PCDHA7: variants seen among roughly 807,000 people sequenced by gnomAD.
PCDHA7 encodes protocadherin alpha 7.
In PCDHA7, 37 loss-of-function variants were observed where a neutral mutation model predicts 57.2. That is an observed-to-expected ratio of 0.65 (90% CI 0.50 to 0.85). The LOEUF (loss-of-function observed/expected upper bound fraction) is 0.85, where lower values mean the gene tolerates loss of function less well. Ranked by LOEUF, PCDHA7 falls within the 40% of genes least tolerant of loss-of-function variation. PCDHA7 has a pLI of 0.00. For synonymous variants in PCDHA7, 553 were observed against 558.8 expected, an observed-to-expected ratio of 0.99 and a Z score of 0.15; for missense variants, 1,188 against 1,241.8, an observed-to-expected ratio of 0.96 and a Z score of 0.65.
At chr5:140,999,426 A>G (rs1456581917) in intron 3 of PCDHA7, among the ~76,000 whole-genome samples, 2 of 152,204 alleles carry the variant, frequency 1.3e-5, no homozygotes, top group Middle Eastern at 3.2e-3. Context: ...TAAGAGGCCA[A>G]GTACCTTGCC....
chr5:140,945,387 T>C (rs1249675973), intron 1 of PCDHA7, among the ~76,000 whole-genome samples: 1 of 152,102 alleles, frequency 6.6e-6, no homozygotes, highest in Non-Finnish European at 1.5e-5. Flanking sequence ...CAAAGCAATA[T>C]ACAAATTCAA....
intron 1 of PCDHA7, chr5:140,857,158 A>G: frequency 6.3e-7 from 1 of 1,598,190 alleles, no homozygotes; most frequent in East Asian, 2.2e-5. Context: ...TCATTGCCCT[A>G]ATCAGCGTTT....
chr5:140,879,955 A>G (rs1554171094), intron 1 of PCDHA7, among the ~76,000 whole-genome samples: 1 of 152,206 alleles, frequency 6.6e-6, no homozygotes, highest in Non-Finnish European at 1.5e-5. Context: ...GCCCATCTGG[A>G]TAATCCAGGA....
At chr5:141,001,509 G>A (rs1025738776) in intron 3 of PCDHA7, among the ~76,000 whole-genome samples, 3 of 152,212 alleles carry the variant, frequency 2.0e-5, no homozygotes, top group Non-Finnish European at 4.4e-5. Context: ...GGTGGGCTTA[G>A]CTTTCTCCCT....
At chr5:140,836,762 C>G (rs2150269461) in intron 1 of PCDHA7, 24 bp downstream of exon 1, 3 of 1,567,538 alleles carry the variant, frequency 1.9e-6, no homozygotes, top group Non-Finnish European at 2.6e-6. Context: ...AATCTTGTTT[C>G]CAACAATTTT....
intron 1 of PCDHA7, among the ~76,000 whole-genome samples, chr5:140,977,021 A>G (rs1249097233): frequency 1.3e-5 from 2 of 152,190 alleles, no homozygotes; most frequent in East Asian, 3.8e-4. Context: ...ATTCTGTCAA[A>G]TGAATCTAAG....
At chr5:140,875,247 A>T in intron 1 of PCDHA7, 1 of 962,254 alleles carries the variant, frequency 1.0e-6, no homozygotes, top group Non-Finnish European at 1.5e-6. Flanking sequence ...TTACATAATC[A>T]GTCACATGAT....
intron 1 of PCDHA7, chr5:140,842,474 G>C: frequency 6.2e-7 from 1 of 1,613,946 alleles, no homozygotes; most frequent in Middle Eastern, 1.6e-4. Flanking sequence ...CAACGGGCAG[G>C]TGACCTGCTC....
intron 3 of PCDHA7, among the ~76,000 whole-genome samples, chr5:141,000,955 T>G (rs1237087024): frequency 6.6e-6 from 1 of 152,210 alleles, no homozygotes; most frequent in Non-Finnish European, 1.5e-5. Flanking sequence ...CTTGCTGTAA[T>G]TTAAGCCTTC....
intron 1 of PCDHA7, chr5:140,877,758 G>T (rs782480713): frequency 6.2e-7 from 1 of 1,614,190 alleles, no homozygotes; most frequent in East Asian, 2.2e-5. Flanking sequence ...GCTCTGCAGA[G>T]AGCCCGCCCA....
chr5:140,834,477 C>T lies in PCDHA7; in HGVS notation c.94C>T (p.His32Tyr), dbSNP rs1554134251. ...AAWEAGRGQL[H>Y]YSVPEEAKHG... Reference sequence around the variant, plus strand: ...TTGGGAGGCAGGGAGAGGCCAGCTCCACTACTCGGTCCCCGAGGAGGCTAA... The same window carrying T: ...TTGGGAGGCAGGGAGAGGCCAGCTCTACTACTCGGTCCCCGAGGAGGCTAA... The change falls in exon 1 of 4, where the codon CAC becomes TAC. Residue 32 changes from histidine (H) to tyrosine (Y), a missense_variant. Physicochemically the swap from His to Tyr is moderately conservative, Grantham distance 83. Coordinates refer to ENST00000525929, the MANE Select transcript of PCDHA7 (RefSeq NM_018910.3). 3.7e-6 allele frequency: 6 copies of T among 1,614,174 alleles called. No individual in the cohort carries two copies. Among genetic ancestry groups the T allele is most frequent in the South Asian group, 2.2e-5 (2 of 91,082 alleles).
At chr5:140,849,831 GC>G in intron 1 of PCDHA7, 1 of 1,598,564 alleles carries the variant, frequency 6.3e-7, no homozygotes, top group Non-Finnish European at 8.6e-7. Context: ...TGTGGAGGTG[GC>G]CGACGTGAAC....
chr5:140,863,178 C>G (rs1420894530), intron 1 of PCDHA7: 3 of 736,630 alleles, frequency 4.1e-6, no homozygotes, highest in African/African-American at 3.6e-5. Flanking sequence ...TGACTGCCAC[C>G]GTCACCGTGG....
intron 3 of PCDHA7, among the ~76,000 whole-genome samples, chr5:140,999,427 G>A (rs1405186577): frequency 6.6e-6 from 1 of 152,172 alleles, no homozygotes; most frequent in Non-Finnish European, 1.5e-5. Flanking sequence ...AAGAGGCCAA[G>A]TACCTTGCCT....
intron 1 of PCDHA7, among the ~76,000 whole-genome samples, chr5:140,890,513 C>T (rs1376774987): frequency 2.0e-5 from 3 of 151,948 alleles, no homozygotes; most frequent in Non-Finnish European, 4.4e-5. Flanking sequence ...GTCTCTATTT[C>T]CTTCCTTTGT....
At chr5:140,873,722 G>A (rs371744747) in intron 1 of PCDHA7, among the ~76,000 whole-genome samples, 2 of 152,198 alleles carry the variant, frequency 1.3e-5, no homozygotes, top group South Asian at 2.1e-4. Flanking sequence ...GTGCAGTGGC[G>A]CAATCTCAGC....
chr5:140,851,789 C>G, intron 1 of PCDHA7: 1 of 955,732 alleles, frequency 1.0e-6, no homozygotes, highest in Non-Finnish European at 1.3e-6. Context: ...TGAGAATTCA[C>G]TTGTTCTGTC....
At chr5:140,924,901 AAAAATAAAAT>A (rs10667761) in intron 1 of PCDHA7, among the ~76,000 whole-genome samples, 1,500 of 80,408 alleles carry the variant, frequency 0.019, 14 homozygotes, top group African/African-American at 0.052. Context: ...TCTCAAAAAA[AAAAATAAAAT>A]AAAATAAAAT....
At chr5:140,967,099 T>G in intron 1 of PCDHA7, 1 of 1,613,074 alleles carries the variant, frequency 6.2e-7, no homozygotes, top group Non-Finnish European at 8.5e-7. Context: ...AGGCGCTGTG[T>G]GAGCAGCGGC....
Sources: allele counts gnomAD v4.1 joint callset (sites outside exome capture counted in the v4.1 genomes callset), GRCh38; gene constraint gnomAD v4.1.1; transcripts MANE v1.5; gene names NCBI Gene and HGNC (gene_info 2026-07-23, HGNC 2026-07-21).